ANK3: variants seen among roughly 807,000 people sequenced by gnomAD.
ANK3 encodes the protein ankyrin 3, also known as ankyrin-3.
ANK3 carries 57 observed loss-of-function variants against 370.9 expected under a neutral mutation model. That is an observed-to-expected ratio of 0.15 (90% confidence interval 0.12 to 0.19). ANK3 has a LOEUF of 0.19. Among genes scored for constraint, ANK3 ranks in the 10% least tolerant of loss-of-function variants. ANK3 has a pLI of 1.00. For synonymous variants in ANK3, 1,929 were observed against 1,946.3 expected (o/e 0.99, Z 0.23); for missense variants, 4,439 against 5,302.1 (o/e 0.84, Z 5.06).
intron 1 of ANK3, among the ~76,000 whole-genome samples, chr10:60,299,089 T>C (rs1463229134): frequency 1.3e-5 from 2 of 152,192 alleles, no homozygotes; most frequent in Non-Finnish European, 2.9e-5. Context: ...CTGGCATTCA[T>C]GCACAATCTT....
At chr10:60,582,229 C>T (rs1399376199) in intron 2 of ANK3, among the ~76,000 whole-genome samples, 2 of 151,788 alleles carry the variant, frequency 1.3e-5, no homozygotes, top group African/African-American at 4.8e-5. Flanking sequence ...ATGTAACAAA[C>T]CTTCATGTTC....
At chr10:60,471,586 A>C (rs987326444) in intron 2 of ANK3, among the ~76,000 whole-genome samples, 6 of 152,152 alleles carry the variant, frequency 3.9e-5, no homozygotes, top group African/African-American at 1.4e-4. Flanking sequence ...TTTTATGAGG[A>C]TATCTACTGG....
chr10:60,349,161 C>T (rs1254919596), intron 1 of ANK3, among the ~76,000 whole-genome samples: 1 of 152,174 alleles, frequency 6.6e-6, no homozygotes, highest in Non-Finnish European at 1.5e-5. Flanking sequence ...AACATTTTTG[C>T]TGCAAACTGT....
At chr10:60,402,594 T>G (rs2063373365) in intron 2 of ANK3, among the ~76,000 whole-genome samples, 1 of 152,218 alleles carries the variant, frequency 6.6e-6, no homozygotes, top group Non-Finnish European at 1.5e-5. Flanking sequence ...TTAGGCAATA[T>G]AATGTATAAA....
At chr10:60,175,063 C>T (rs2095890813) in intron 18 of ANK3, among the ~76,000 whole-genome samples, 1 of 152,072 alleles carries the variant, frequency 6.6e-6, no homozygotes, top group South Asian at 2.1e-4. Context: ...CATAGTTTCC[C>T]ATCTCATTCT....
At chr10:60,370,839 A>G (rs1313678028) in intron 1 of ANK3, among the ~76,000 whole-genome samples, 2 of 152,170 alleles carry the variant, frequency 1.3e-5, no homozygotes, top group African/African-American at 4.8e-5. Context: ...AACTCAAGCT[A>G]AACATCAACC....
rs534434484 is a variant in ANK3, at chr10:60,572,400, A to G, written c.96+42786T>C. On this transcript the variant is annotated intron_variant, in intron 2 of 43. Coordinates refer to the ANK3 transcript ENST00000373827. ...AGCCAATCTCTTAAAAATTCAGCCT[A>G]AAGATCACTTCCTCCCCAGAGCCAG... is the stretch of plus-strand genomic sequence containing the variant. 690 of 1,467,062 alleles carry G rather than the reference A, an allele frequency of 4.7e-4. 13 individuals carry two copies. The South Asian group carries it at 8.8e-3, about 19-fold the overall frequency. The allele number at this position is 1,467,062 out of a possible 1,614,324, so 90.9% of individuals were successfully genotyped here.
chr10:60,251,679 G>C (rs946254503), intron 7 of ANK3, among the ~76,000 whole-genome samples: 1 of 152,206 alleles, frequency 6.6e-6, no homozygotes, highest in Non-Finnish European at 1.5e-5. Context: ...GCAACATGCT[G>C]CCCCTGTCGG....
At chr10:60,103,250 C>A (rs34577721) in intron 28 of ANK3, among the ~76,000 whole-genome samples, 35,075 of 149,706 alleles carry the variant, frequency 0.23, 4,888 homozygotes, top group South Asian at 0.32. Context: ...CTGCACCCGG[C>A]CTATTTGTCT....
At chr10:60,286,920 C>T (rs1043102832) in intron 1 of ANK3, among the ~76,000 whole-genome samples, 7 of 152,150 alleles carry the variant, frequency 4.6e-5, no homozygotes, top group Non-Finnish European at 8.8e-5. Flanking sequence ...AAATTTAGAT[C>T]TCAAACTGGT....
chr10:60,080,607 T>A lies in ANK3; in HGVS notation c.4362A>T (p.Thr1454=). The A allele has an allele frequency of 1.9e-6, 3 of 1,588,664 alleles. No homozygotes were observed. The highest frequency in any genetic ancestry group is 2.6e-6 in the Non-Finnish European group (3 of 1,173,840). ...ESDQDDEIEK[T]DRRQSFASLA... Reference sequence around the variant, plus strand: ...AGGATGCGAAGCTCTGTCGTCTATCTGTTTTCTCAATCTGAAAAGGAAAAA... The same window carrying A: ...AGGATGCGAAGCTCTGTCGTCTATCAGTTTTCTCAATCTGAAAAGGAAAAA... The change falls in exon 36 of 44, where the codon ACA becomes ACT. Residue 1454 remains threonine, a synonymous_variant. Coordinates refer to ENST00000280772, the MANE Select transcript of ANK3 (RefSeq NM_020987.5).
intron 1 of ANK3, among the ~76,000 whole-genome samples, chr10:60,727,123 A>G (rs909209686): frequency 6.6e-6 from 1 of 152,112 alleles, no homozygotes; most frequent in Non-Finnish European, 1.5e-5. Context: ...AAGCACTTAC[A>G]TACCCCCGCC....
intron 1 of ANK3, among the ~76,000 whole-genome samples, chr10:60,295,389 G>A (rs554629837): frequency 6.6e-6 from 1 of 152,272 alleles, no homozygotes; most frequent in Non-Finnish European, 1.5e-5. Context: ...AATACATGCC[G>A]AGCAGTTAGA....
chr10:60,330,929 T>C lies in ANK3; in HGVS notation c.115-51290A>G, dbSNP rs573608744. Among the ~76,000 whole-genome samples the C allele has an allele frequency of 1.9e-3, 290 of 152,244 alleles. 1 individual carries two copies. The highest frequency in any genetic ancestry group is 2.9e-3 in the Non-Finnish European group (195 of 68,016). Reference sequence around the variant, plus strand: ...GGCACATATACCCCATGGAATACTGTGCAGCCATAAAAAAGAATGAATTCA... The same window carrying C: ...GGCACATATACCCCATGGAATACTGCGCAGCCATAAAAAAGAATGAATTCA... On this transcript the variant is annotated intron_variant, in intron 1 of 43. Coordinates refer to ENST00000280772, the MANE Select transcript of ANK3 (RefSeq NM_020987.5).
At chr10:60,159,339 A>G (rs1044773548) in intron 23 of ANK3, among the ~76,000 whole-genome samples, 3 of 152,214 alleles carry the variant, frequency 2.0e-5, no homozygotes, top group African/African-American at 7.2e-5. Flanking sequence ...AGGTCATTAT[A>G]TAATGATAAA....
intron 21 of ANK3, among the ~76,000 whole-genome samples, chr10:60,168,368 A>G (rs889411247): frequency 1.3e-5 from 2 of 152,174 alleles, no homozygotes; most frequent in African/African-American, 4.8e-5. Flanking sequence ...ATCACAATTA[A>G]TGAATCAACA....
At chr10:60,689,914 A>G (rs2079326958) in intron 1 of ANK3, among the ~76,000 whole-genome samples, 1 of 152,218 alleles carries the variant, frequency 6.6e-6, no homozygotes, top group African/African-American at 2.4e-5. Flanking sequence ...TTTGAAACAT[A>G]TTAAATACAA....
intron 32 of ANK3, chr10:60,083,828 A>G (rs1315915596): frequency 9.7e-6 from 4 of 412,166 alleles, no homozygotes; most frequent in Non-Finnish European, 1.3e-5. Context: ...GGACATATAC[A>G]GAACAGAATT....
In ANK3 at chr10:60,578,873, C is replaced by CT. The variant is rs540276358; in HGVS notation, c.96+36312dup. Among the ~76,000 whole-genome samples the CT allele has an allele frequency of 7.9e-5, 12 of 152,256 alleles. 1 individual carries two copies. Among genetic ancestry groups the CT allele is most frequent in the African/African-American group, 2.9e-4 (12 of 41,546 alleles). On this transcript the variant is annotated intron_variant, in intron 2 of 43. Transcript: ENST00000373827. ...AATGATATTTCCTAGTATCTTAAAA[C>CT]TTTTTTCTAATCTTAATGGTACCTT... is the stretch of plus-strand genomic sequence containing the variant.
Sources: allele counts gnomAD v4.1 joint callset (sites outside exome capture counted in the v4.1 genomes callset), GRCh38; gene constraint gnomAD v4.1.1; transcripts MANE v1.5; gene names NCBI Gene and HGNC (gene_info 2026-07-23, HGNC 2026-07-21).